The following PARD3 variants were observed in gnomAD, a reference collection of about 807,000 sequenced individuals.
PARD3 encodes the protein par-3 family cell polarity regulator.
PARD3 carries 75 observed loss-of-function variants against 155.4 expected under a neutral mutation model. The ratio of observed to expected loss-of-function variants is 0.48; its 90% CI spans 0.40 to 0.58. The LOEUF (loss-of-function observed/expected upper bound fraction) is 0.58. Ranked by LOEUF, PARD3 falls within the 20% of genes least tolerant of loss-of-function variation. The pLI, the probability that PARD3 is intolerant of heterozygous loss-of-function variation, is 0.00. For missense variants in PARD3, 1,642 were observed against 1,721.7 expected (o/e 0.95, Z 0.82); for synonymous variants, 576 against 610.5 (o/e 0.94, Z 0.83).
At chr10:34,678,952 G>GA (rs1175669441) in intron 2 of PARD3, among the ~76,000 whole-genome samples, 1 of 152,032 alleles carries the variant, frequency 6.6e-6, no homozygotes, top group African/African-American at 2.4e-5. Context: ...AGAGGTCCCA[G>GA]AAAAAGAGTA....
intron 2 of PARD3, among the ~76,000 whole-genome samples, chr10:34,522,309 A>G (rs1159214173): frequency 6.6e-6 from 1 of 152,142 alleles, no homozygotes; most frequent in Non-Finnish European, 1.5e-5. Context: ...AGGCAAGGAT[A>G]TAGATTCTCC....
In PARD3 at chr10:34,374,635, T is replaced by C. The variant is rs1226381233; in HGVS notation, c.1668+239A>G. 3.3e-5 allele frequency among the ~76,000 whole-genome samples: 5 copies of C among 152,172 alleles called. No individual in the cohort carries two copies. In the South Asian group the frequency reaches 1.0e-3, roughly 32 times the overall value. The stretch of plus-strand genomic sequence containing the variant: ...TACAGTGATGAACATTTGATGCCCT[T>C]GAAAATATCCCTACAGTCTGATGTT... On this transcript the variant is annotated intron_variant, in intron 11 of 24. Transcript: ENST00000374788.
chr10:34,559,630 T>C (rs1455743872), intron 2 of PARD3, among the ~76,000 whole-genome samples: 1 of 152,166 alleles, frequency 6.6e-6, no homozygotes, highest in Non-Finnish European at 1.5e-5. Context: ...CACATCAAGA[T>C]TCTCGAAGTG....
At chr10:34,382,979 T>C (rs1842005350) in intron 8 of PARD3, 57 bp from the exon 9 acceptor site, 2 of 1,564,042 alleles carry the variant, frequency 1.3e-6, no homozygotes, top group East Asian at 2.2e-5. Context: ...CTAGAAGATA[T>C]TATGAGCTTA....
intron 22 of PARD3, among the ~76,000 whole-genome samples, chr10:34,172,277 T>C (rs1016906579): frequency 6.6e-6 from 1 of 152,138 alleles, no homozygotes; most frequent in African/African-American, 2.4e-5. Flanking sequence ...GCTGGGAAAA[T>C]AGTTTAGGTA....
intron 2 of PARD3, among the ~76,000 whole-genome samples, chr10:34,524,067 G>A (rs1425126703): frequency 6.6e-6 from 1 of 151,796 alleles, no homozygotes; most frequent in Non-Finnish European, 1.5e-5. Flanking sequence ...GATAACCTGT[G>A]GCACTTACAT....
chr10:34,577,555 A>T (rs1418049772), intron 2 of PARD3, among the ~76,000 whole-genome samples: 1 of 152,192 alleles, frequency 6.6e-6, no homozygotes, highest in African/African-American at 2.4e-5. Flanking sequence ...ATCCGATTTG[A>T]ATGAGAATCG....
intron 20 of PARD3, among the ~76,000 whole-genome samples, chr10:34,289,207 G>C (rs1470965659): frequency 2.0e-5 from 3 of 151,802 alleles, no homozygotes; most frequent in Non-Finnish European, 2.9e-5. Context: ...GAGGGTGTTG[G>C]GGGACATAGG....
chr10:34,341,235 A>G (rs1387552761), intron 16 of PARD3, among the ~76,000 whole-genome samples: 1 of 151,984 alleles, frequency 6.6e-6, no homozygotes, highest in African/African-American at 2.4e-5. Context: ...CTCTTAGAAC[A>G]CATCAACTCT....
intron 3 of PARD3, among the ~76,000 whole-genome samples, chr10:34,505,280 GGCTTATTCTCAT>G (rs2133475112): frequency 6.6e-6 from 1 of 152,192 alleles, no homozygotes; most frequent in South Asian, 2.1e-4. Context: ...AGGCAAATAA[GGCTTATTCTCAT>G]GCAAAGGTAA....
At position 34,111,895 on chromosome 10, in the gene PARD3, G is replaced by A. The variant is rs147894054; in HGVS notation, c.3669-333C>T. ...TATCTCCTGCAATTTAGACACACTG[G>A]CAAAGTATAGAAGTATTAGAGGTTT... On this transcript the variant is annotated intron_variant, in intron 24 of 24. Coordinates refer to ENST00000374788, the MANE Select transcript of PARD3 (RefSeq NM_001184785.2). Among the ~76,000 whole-genome samples, 71 of 152,292 alleles carry A rather than the reference G, an allele frequency of 4.7e-4. 1 individual carries two copies. Among genetic ancestry groups the A allele is most frequent in the African/African-American group, 1.7e-3 (69 of 41,566 alleles).
intron 22 of PARD3, among the ~76,000 whole-genome samples, chr10:34,132,703 G>A (rs1035483722): frequency 2.0e-5 from 3 of 152,082 alleles, no homozygotes; most frequent in Non-Finnish European, 4.4e-5. Context: ...AGGAGAGGGC[G>A]GTTCCTCAGC....
chr10:34,489,047 A>G (rs1253785062), intron 3 of PARD3, among the ~76,000 whole-genome samples: 3 of 152,232 alleles, frequency 2.0e-5, no homozygotes, highest in African/African-American at 4.8e-5. Context: ...TCCAAAGACA[A>G]ATATCTACAG....
chr10:34,198,006 C>A (rs567891456), intron 22 of PARD3, among the ~76,000 whole-genome samples: 1 of 152,312 alleles, frequency 6.6e-6, no homozygotes, highest in Admixed American at 6.5e-5. Flanking sequence ...AAAATGCAGG[C>A]ATGAGCCACC....
intron 22 of PARD3, among the ~76,000 whole-genome samples, chr10:34,181,134 G>A (rs969618986): frequency 1.3e-5 from 2 of 152,122 alleles, no homozygotes; most frequent in Non-Finnish European, 2.9e-5. Context: ...CAACATTACT[G>A]CTACCACAAT....
rs138408552 is a variant in PARD3, at chr10:34,148,395, G to A, written c.3420-16812C>T. Among the ~76,000 whole-genome samples, 724 of 152,176 alleles carry A rather than the reference G, an allele frequency of 4.8e-3. 7 individuals carry two copies. The highest frequency in any genetic ancestry group is 0.016 in the African/African-American group (683 of 41,514). ...TATTGTAATGTCTCTACAGACTGGC[G>A]CTGACATTGTTTCATTTTGATATCA... On this transcript the variant is annotated intron_variant, in intron 22 of 24. Coordinates refer to ENST00000374788, the MANE Select transcript of PARD3 (RefSeq NM_001184785.2).
chr10:34,737,805 T>C (rs924061058), intron 1 of PARD3, among the ~76,000 whole-genome samples: 2 of 152,214 alleles, frequency 1.3e-5, no homozygotes, highest in African/African-American at 2.4e-5. Context: ...TATTTTCTTA[T>C]AGCAACACGA....
intron 22 of PARD3, among the ~76,000 whole-genome samples, chr10:34,201,576 T>G (rs939515252): frequency 6.6e-6 from 1 of 152,184 alleles, no homozygotes; most frequent in Admixed American, 6.5e-5. Context: ...AGTGACTCTT[T>G]CAAAAGGGGA....
intron 13 of PARD3, 94 bp from the exon 14 acceptor site, chr10:34,359,411 G>GAAA: frequency 1.4e-6 from 1 of 739,268 alleles, no homozygotes; most frequent in Non-Finnish European, 2.0e-6. Flanking sequence ...TAAAAACAAA[G>GAAA]CAAAAAAAAA....
Sources: allele counts gnomAD v4.1 joint callset (sites outside exome capture counted in the v4.1 genomes callset), GRCh38; gene constraint gnomAD v4.1.1; transcripts MANE v1.5; gene names NCBI Gene and HGNC (gene_info 2026-07-23, HGNC 2026-07-21).